Variants in SETD2 observed in about 807,000 individuals in gnomAD.
SETD2 encodes SET domain containing 2, histone lysine methyltransferase.
Under a neutral mutation model 242.1 loss-of-function variants are expected in SETD2, and 31 were observed. The ratio of observed to expected loss-of-function variants is 0.13; its 90% CI spans 0.10 to 0.17. SETD2 has a LOEUF of 0.17. Among genes scored for constraint, SETD2 ranks in the 10% least tolerant of loss-of-function variants. The pLI is 1.00. For missense variants in SETD2, 2,481 were observed against 3,046.3 expected (o/e 0.81, Z 4.37); for synonymous variants, 1,006 against 1,066.5 (o/e 0.94, Z 1.11).
intron 12 of SETD2, among the ~76,000 whole-genome samples, chr3:47,082,596 G>C (rs557100638): frequency 1.3e-4 from 20 of 152,256 alleles, no homozygotes; most frequent in African/African-American, 4.8e-4. Flanking sequence ...TTCATATTTA[G>C]AAAAAGGCCT....
chr3:47,093,197 C>T (rs1395490590), intron 9 of SETD2, among the ~76,000 whole-genome samples: 2 of 151,876 alleles, frequency 1.3e-5, no homozygotes, highest in Non-Finnish European at 2.9e-5. Flanking sequence ...ATGCTTCTTT[C>T]ACTCAACCTT....
intron 15 of SETD2, among the ~76,000 whole-genome samples, chr3:47,048,969 A>T (rs1559663348): frequency 2.0e-5 from 3 of 151,342 alleles, no homozygotes. Context: ...CCTGGCCTAT[A>T]TTTTTTTTAA....
intron 18 of SETD2, among the ~76,000 whole-genome samples, chr3:47,021,062 A>T (rs943418071): frequency 2.0e-5 from 3 of 152,238 alleles, no homozygotes; most frequent in African/African-American, 7.2e-5. Context: ...AACAAAACTA[A>T]GCAAAAATAA....
At chr3:47,132,430 T>C (rs1338832683) in intron 1 of SETD2, among the ~76,000 whole-genome samples, 17 of 152,096 alleles carry the variant, frequency 1.1e-4, no homozygotes, top group Non-Finnish European at 2.4e-4. Flanking sequence ...GAAGTTACAG[T>C]GAGCAGAGAT....
chr3:47,156,060 G>A (rs919240191), intron 1 of SETD2, among the ~76,000 whole-genome samples: 1 of 152,138 alleles, frequency 6.6e-6, no homozygotes, highest in African/African-American at 2.4e-5. Flanking sequence ...AAATTGAGCA[G>A]CCTCTTAACC....
At chr3:47,019,367 G>A (rs888336344) in intron 19 of SETD2, among the ~76,000 whole-genome samples, 3 of 152,180 alleles carry the variant, frequency 2.0e-5, no homozygotes, top group African/African-American at 7.2e-5. Context: ...GAGTCAATGG[G>A]TACTGAAGTG....
chr3:47,019,803 G>A lies in SETD2; in HGVS notation c.7388C>T (p.Ser2463Phe). ...TTTGCTTTTCTTTGCTAGTTCACTG[G>A]AGGTGTCTGCTTCTGCTGTCTTGGG... ...KKPKTAEADT[S>F]SELAKKSKEV... Residue 2463 changes from serine (S) to phenylalanine (F), a missense_variant, in exon 19 of 21, where the codon TCC becomes TTC. Around this residue, in one of 17 missense-constraint regions of SETD2, gnomAD observed 40 missense variants for 89.5 expected, o/e 0.45. Transcript: ENST00000409792. 6.2e-7 allele frequency: 1 copy of A among 1,613,998 alleles called. No homozygotes were observed. Among genetic ancestry groups the A allele is most frequent in the Non-Finnish European group, 8.5e-7 (1 of 1,179,958 alleles).
intron 1 of SETD2, among the ~76,000 whole-genome samples, chr3:47,131,700 A>G (rs2043480089): frequency 6.6e-6 from 1 of 151,936 alleles, no homozygotes; most frequent in African/African-American, 2.4e-5. Flanking sequence ...TTTATAATAC[A>G]AAGAGATATA....
At chr3:47,114,444 T>A (rs1333509629) in intron 4 of SETD2, among the ~76,000 whole-genome samples, 1 of 152,238 alleles carries the variant, frequency 6.6e-6, no homozygotes, top group Non-Finnish European at 1.5e-5. Flanking sequence ...AAGTCATTAT[T>A]AAATATATCC....
chr3:47,042,661 G>C lies in SETD2; in HGVS notation c.7138C>G (p.Pro2380Ala). The C allele has an allele frequency of 6.2e-7, 1 of 1,611,662 alleles. No homozygotes were observed. The highest frequency in any genetic ancestry group is 8.5e-7 in the Non-Finnish European group (1 of 1,179,222). ...GTTTTTGGTTTGGGAGGAGAGGGGG[G>C]CGGCAGATCCAAGAGATTATTTGTC... ...VVTNNLLDLP[P>A]PSPPKPKTIV... is the part of the protein sequence containing the mutation. The change falls in exon 17 of 21, where the codon CCC becomes GCC. Residue 2380 changes from proline (P) to alanine (A), a missense_variant. This residue lies in a region of SETD2 where 235 missense variants were observed against 293.9 expected (regional missense o/e 0.80). Coordinates refer to ENST00000409792, the MANE Select transcript of SETD2 (RefSeq NM_014159.7).
chr3:47,125,309 C>T lies in SETD2; in HGVS notation c.88-761G>A, dbSNP rs1227640839. The stretch of plus-strand genomic sequence containing the variant: ...ACTCCAACCTGGGCAACAGAGCGAG[C>T]CTCTGTCTCAAAAAAATAAAAAATT... On this transcript the variant is annotated intron_variant, in intron 2 of 20. Coordinates refer to ENST00000409792, the MANE Select transcript of SETD2 (RefSeq NM_014159.7). Among the ~76,000 whole-genome samples the T allele has an allele frequency of 2.7e-5, 4 of 147,312 alleles. No individual in the cohort carries two copies. The East Asian group carries it at 8.0e-4, about 29-fold the overall frequency.
intron 16 of SETD2, among the ~76,000 whole-genome samples, chr3:47,044,801 C>T (rs1415541189): frequency 6.6e-6 from 1 of 152,120 alleles, no homozygotes; most frequent in Non-Finnish European, 1.5e-5. Flanking sequence ...CATGCCTAGT[C>T]CATGGTGACT....
In SETD2 at chr3:47,050,086, G is replaced by T. The variant is rs1007027143; in HGVS notation, c.6964-3465C>A. Reference sequence around the variant, plus strand: ...ACCAAGTATTTCATAGATCAGTAAGGTATCTATATTTTAGAATAATCTTAT... The same window carrying T: ...ACCAAGTATTTCATAGATCAGTAAGTTATCTATATTTTAGAATAATCTTAT... On this transcript the variant is annotated intron_variant, in intron 15 of 20. Transcript: ENST00000409792. Among the ~76,000 whole-genome samples, 4 of 150,080 alleles carry T rather than the reference G, an allele frequency of 2.7e-5. No individual in the cohort carries two copies. The Admixed American group carries it at 2.7e-4, about 10-fold the overall frequency.
intron 4 of SETD2, among the ~76,000 whole-genome samples, chr3:47,115,240 C>A (rs913802106): frequency 1.3e-5 from 2 of 152,104 alleles, no homozygotes; most frequent in Non-Finnish European, 1.5e-5. Flanking sequence ...ACCAAGGGCT[C>A]TGAATACAAG....
chr3:47,019,774 C>T lies in SETD2; in HGVS notation c.7417G>A (p.Val2473Ile), dbSNP rs773863597. 1.2e-5 allele frequency: 20 copies of T among 1,613,856 alleles called. No homozygotes were observed. The highest frequency in any genetic ancestry group is 1.5e-5 in the Non-Finnish European group (18 of 1,179,782). Residue 2473 changes from valine to isoleucine, a missense_variant, in exon 19 of 21, where the codon GTA (valine) becomes ATA (isoleucine). Around this residue, in one of 17 missense-constraint regions of SETD2, gnomAD observed 40 missense variants for 89.5 expected, o/e 0.45. Coordinates refer to ENST00000409792, the MANE Select transcript of SETD2 (RefSeq NM_014159.7). ...SSELAKKSKE[V>I]FRKEMSQFIV... The stretch of plus-strand genomic sequence containing the variant: ...CCAAACCTTACCTCTTTTCTGAATA[C>T]TTCTTTGCTTTTCTTTGCTAGTTCA...
chr3:47,069,879 T>A (rs1380525846), intron 12 of SETD2, among the ~76,000 whole-genome samples: 1 of 152,206 alleles, frequency 6.6e-6, no homozygotes, highest in Non-Finnish European at 1.5e-5. Context: ...ACGCCATTTA[T>A]TACCATCTAC....
chr3:47,077,350 T>C lies in SETD2; in HGVS notation c.6060+6370A>G, dbSNP rs541457944. Among the ~76,000 whole-genome samples, 11 of 152,236 alleles carry C rather than the reference T, an allele frequency of 7.2e-5. No homozygotes were observed. In the South Asian group the frequency reaches 2.3e-3, roughly 32 times the overall value. On this transcript the variant is annotated intron_variant, in intron 12 of 20. Coordinates refer to ENST00000409792, the MANE Select transcript of SETD2 (RefSeq NM_014159.7). ...CACCTGCCTCGGCCTCCCAAAGTGC[T>C]GGGATTACAAGTGTGAGCCACCACG...
intron 9 of SETD2, among the ~76,000 whole-genome samples, chr3:47,093,663 C>T (rs568733411): frequency 2.6e-5 from 4 of 152,218 alleles, no homozygotes; most frequent in South Asian, 2.1e-4. Context: ...TTCTGATATA[C>T]ATTATAGCTA....
At chr3:47,059,363 G>A (rs1057454489) in intron 14 of SETD2, among the ~76,000 whole-genome samples, 9 of 151,766 alleles carry the variant, frequency 5.9e-5, no homozygotes, top group East Asian at 1.9e-4. Context: ...TGATCCGCCC[G>A]CCTCAGCCTC....
Sources: allele counts gnomAD v4.1 joint callset (sites outside exome capture counted in the v4.1 genomes callset), GRCh38; gene constraint gnomAD v4.1.1; regional missense constraint gnomAD v4.1.1; transcripts MANE v1.5; gene names NCBI Gene and HGNC (gene_info 2026-07-23, HGNC 2026-07-21).